Variants in MRS2 observed in about 807,000 individuals in gnomAD.
MRS2 encodes the protein magnesium transporter MRS2 homolog, mitochondrial.
Under a neutral mutation model 52.6 loss-of-function variants are expected in MRS2, and 40 were observed. The observed-to-expected ratio is 0.76, with a 90% CI of 0.59 to 0.99. MRS2 has a LOEUF of 0.99. Ranked by LOEUF, MRS2 falls within the 50% of genes least tolerant of loss-of-function variation. MRS2 has a pLI of 0.00. For missense variants in MRS2, 472 were observed against 532.7 expected (o/e 0.89, Z 1.12); for synonymous variants, 193 against 195.9 (o/e 0.98, Z 0.13).
intron 5 of MRS2, among the ~76,000 whole-genome samples, chr6:24,413,311 G>A (rs1489461727): frequency 6.6e-6 from 1 of 152,076 alleles, no homozygotes; most frequent in Admixed American, 6.6e-5. Context: ...GCTGTGGGGA[G>A]AATAGAGAGG....
chr6:24,408,484 A>C, intron 3 of MRS2, 40 bp downstream of exon 3: 1 of 1,340,268 alleles, frequency 7.5e-7, no homozygotes, highest in Non-Finnish European at 1.1e-6. Flanking sequence ...TAAACATTTA[A>C]TGAGTGAATC....
intron 9 of MRS2, among the ~76,000 whole-genome samples, chr6:24,421,256 A>G (rs1267443035): frequency 6.6e-6 from 1 of 152,256 alleles, no homozygotes; most frequent in Non-Finnish European, 1.5e-5. Context: ...TAGTTTTAGT[A>G]TGTGCAATCC....
At chr6:24,423,442 A>G in intron 10 of MRS2, 142 bp from the exon 11 acceptor site, 1 of 500,344 alleles carries the variant, frequency 2.0e-6, no homozygotes, top group Non-Finnish European at 3.6e-6. Context: ...TTGTACTTGA[A>G]GATGGCACCA....
intron 7 of MRS2, among the ~76,000 whole-genome samples, chr6:24,417,491 CT>C (rs1437295336): frequency 6.6e-6 from 1 of 152,196 alleles, no homozygotes; most frequent in Non-Finnish European, 1.5e-5. Flanking sequence ...TTTCCTGTAA[CT>C]GGCAGCATGT....
In MRS2 at chr6:24,405,245, AGTAT is replaced by A. The variant is rs1203995604; in HGVS notation, c.264+8_264+11del. The A allele has an allele frequency of 6.2e-7, 1 of 1,606,046 alleles. No individual in the cohort carries two copies. On this transcript the variant is annotated splice_donor_5th_base_variant and intron_variant, in intron 2 of 10. Transcript: ENST00000378386. ...TGTAGCCCCAGTATTTACTGTGGTGAGTATGTACAGTACATTGGAAATCGTACAG... is the reference window on the plus strand; with the variant it reads ...TGTAGCCCCAGTATTTACTGTGGTGAGTACAGTACATTGGAAATCGTACAG...
chr6:24,408,781 CTCAT>C (rs897973746), intron 3 of MRS2, among the ~76,000 whole-genome samples: 9 of 152,280 alleles, frequency 5.9e-5, no homozygotes, highest in Admixed American at 5.9e-4. Flanking sequence ...TTTCACTGCC[CTCAT>C]TCATTCTCCT....
At chr6:24,423,129 G>T in intron 10 of MRS2, 79 bp downstream of exon 10, 1 of 1,125,308 alleles carries the variant, frequency 8.9e-7, no homozygotes, top group Non-Finnish European at 1.3e-6. Context: ...CTGGGATTAA[G>T]TTGTCACAGG....
intron 9 of MRS2, among the ~76,000 whole-genome samples, chr6:24,420,811 T>C (rs1200976734): frequency 1.3e-5 from 2 of 152,112 alleles, no homozygotes; most frequent in East Asian, 3.8e-4. Flanking sequence ...AGCTTGTTCA[T>C]GAAATGGCAA....
rs570593816 is a variant in MRS2 at position 24,418,889 on chromosome 6, ACT to A, written c.1107+314_1107+315del. 1.1e-3 allele frequency: 216 copies of A among 187,942 alleles called. 2 individuals carry two copies. The South Asian group carries it at 0.013, about 12-fold the overall frequency. 11.6% of individuals were successfully genotyped at this position (187,942 alleles called of 1,614,324 possible). A position where few individuals can be genotyped will look rare whatever the true frequency, so the allele number is the denominator to read the frequency against. ...ACTCCAGCCTGGGAGACAGAGTGAG[ACT>A]CTGTCTCCAAAAAAAAAGATTGGGT... On this transcript the variant is annotated intron_variant, in intron 9 of 10. Coordinates refer to ENST00000378386, the MANE Select transcript of MRS2 (RefSeq NM_020662.4).
At chr6:24,407,464 G>A (rs922183655) in intron 2 of MRS2, among the ~76,000 whole-genome samples, 1 of 152,134 alleles carries the variant, frequency 6.6e-6, no homozygotes, top group African/African-American at 2.4e-5. Flanking sequence ...CTGTATGTTG[G>A]AGTGTCTTTC....
In MRS2 at chr6:24,403,212, G is replaced by A. The variant is rs1412443081; in HGVS notation, c.166G>A (p.Gly56Arg). Residue 56 changes from glycine (G) to arginine (R), a missense_variant, in exon 1 of 11, where the codon GGG becomes AGG. Coordinates refer to ENST00000378386, the MANE Select transcript of MRS2 (RefSeq NM_020662.4). The stretch of plus-strand genomic sequence containing the variant: ...AAGGAGCCGAGCGGCGCAGCTTTGC[G>A]GGCCCGACCGGCTCCGCGTGGCAGG... ...IGRSRAAQLCGPDRLRVAGEV... is the reference protein window; with the variant it reads ...IGRSRAAQLCRPDRLRVAGEV... 6.3e-7 allele frequency: 1 copy of A among 1,599,810 alleles called. No homozygotes were observed. Among genetic ancestry groups the A allele is most frequent in the Non-Finnish European group, 8.5e-7 (1 of 1,178,848 alleles).
Position 24,424,894 on chromosome 6 carries a change from T to C in MRS2, c.*1200T>C, listed in dbSNP as rs1762176046. 1 of 152,154 alleles carries C rather than the reference T, an allele frequency of 6.6e-6. No individual in the cohort carries two copies. The highest frequency in any genetic ancestry group is 1.5e-5 in the Non-Finnish European group (1 of 68,026). 9.4% of individuals were successfully genotyped at this position (152,154 alleles called of 1,614,324 possible). Reference sequence around the variant, plus strand: ...TTGGTGATAGGAATAAAAATGTTACTCCCGTCGCTGATTTGGAAGAAAACC... The same window carrying C: ...TTGGTGATAGGAATAAAAATGTTACCCCCGTCGCTGATTTGGAAGAAAACC... On this transcript the variant is annotated 3_prime_UTR_variant, in exon 11 of 11. Transcript: ENST00000378386.
chr6:24,415,971 C>T (rs1487547178), intron 6 of MRS2, among the ~76,000 whole-genome samples: 2 of 151,966 alleles, frequency 1.3e-5, no homozygotes, highest in Non-Finnish European at 2.9e-5. Context: ...CACTCCGTTG[C>T]CCAGGCTGGA....
At chr6:24,409,610 C>A in intron 4 of MRS2, 37 bp downstream of exon 4, 1 of 1,311,586 alleles carries the variant, frequency 7.6e-7, no homozygotes, top group Non-Finnish European at 1.1e-6. Context: ...TTCTCCAATA[C>A]AATCTTATAA....
chr6:24,403,872 G>C (rs1231336655), intron 1 of MRS2, among the ~76,000 whole-genome samples: 2 of 152,032 alleles, frequency 1.3e-5, no homozygotes, highest in African/African-American at 4.8e-5. Context: ...GCTAAAGACT[G>C]AGTTGTTTCT....
chr6:24,418,647 C>G, intron 9 of MRS2, 69 bp downstream of exon 9: 1 of 1,241,482 alleles, frequency 8.1e-7, no homozygotes, highest in Non-Finnish European at 1.2e-6. Context: ...GTCAGTAATC[C>G]TAGCACTTTA....
chr6:24,421,252 T>C (rs1762032712), intron 9 of MRS2, among the ~76,000 whole-genome samples: 1 of 152,210 alleles, frequency 6.6e-6, no homozygotes, highest in South Asian at 2.1e-4. Context: ...CTTATAGTTT[T>C]AGTATGTGCA....
chr6:24,417,964 G>C (rs996875832), intron 7 of MRS2, 120 bp from the exon 8 acceptor site: 4 of 708,230 alleles, frequency 5.6e-6, no homozygotes, highest in Non-Finnish European at 8.7e-6. Context: ...GACAAGACAA[G>C]ACAAAGGCTA....
At position 24,422,984 on chromosome 6, in the gene MRS2, T is replaced by C. The variant is rs766007430; in HGVS notation, c.1155T>C (p.Ser385=). 1 of 1,614,140 alleles carries C rather than the reference T, an allele frequency of 6.2e-7. No individual in the cohort carries two copies. Among genetic ancestry groups the C allele is most frequent in the Admixed American group, 1.7e-5 (1 of 60,006 alleles). The change falls in exon 10 of 11, where the codon AGT becomes AGC. Residue 385 remains serine, a synonymous_variant. Transcript: ENST00000378386. ...TTACAGGAATTATGTTCATGGGAAGTGGCCTCATCTGGAGGCGCCTGCTTT... is the reference window on the plus strand; with the variant it reads ...TTACAGGAATTATGTTCATGGGAAGCGGCCTCATCTGGAGGCGCCTGCTTT... ...WLITGIMFMG[S]GLIWRRLLSF...
Sources: gnomAD v4.1 joint callset for allele counts (sites outside exome capture counted in the v4.1 genomes callset) on GRCh38, gnomAD v4.1.1 for gene constraint, MANE v1.5 for transcripts, NCBI Gene and HGNC (gene_info 2026-07-23, HGNC 2026-07-21) for gene names.